AHCYL2: variants seen among roughly 807,000 people sequenced by gnomAD.
AHCYL2 encodes the protein S-adenosylhomocysteine hydrolase-like protein 2.
A neutral mutation model predicts 81.4 loss-of-function variants in AHCYL2; 28 were observed. The observed-to-expected ratio is 0.34, with a 90% CI of 0.25 to 0.47. The LOEUF (loss-of-function observed/expected upper bound fraction) is 0.47. AHCYL2 is among the 20% of genes least tolerant of loss of function. AHCYL2 has a pLI of 1.00. For synonymous variants in AHCYL2, 272 were observed against 290.2 expected, an observed-to-expected ratio of 0.94 and a Z score of 0.64; for missense variants, 551 against 785.1, an observed-to-expected ratio of 0.70 and a Z score of 3.56.
At chr7:129,375,744 C>A (rs1794651058) in intron 1 of AHCYL2, 2 of 1,483,732 alleles carry the variant, frequency 1.3e-6, no homozygotes, top group Non-Finnish European at 1.8e-6. Context: ...AGAGTAGTCC[C>A]CCACTCCCCA....
intron 11 of AHCYL2, among the ~76,000 whole-genome samples, chr7:129,411,899 A>G (rs910667146): frequency 5.9e-5 from 9 of 152,254 alleles, no homozygotes; most frequent in Non-Finnish European, 1.0e-4. Flanking sequence ...TTACCCATTC[A>G]TTAACTGGTA....
chr7:129,307,163 C>T (rs1007034467), intron 1 of AHCYL2, among the ~76,000 whole-genome samples: 1 of 152,198 alleles, frequency 6.6e-6, no homozygotes, highest in Non-Finnish European at 1.5e-5. Context: ...GTGAAGCCAG[C>T]TAGTCTTGTG....
chr7:129,294,166 G>A (rs1248817186), intron 1 of AHCYL2, among the ~76,000 whole-genome samples: 1 of 152,158 alleles, frequency 6.6e-6, no homozygotes, highest in Non-Finnish European at 1.5e-5. Context: ...ATTACTTTGT[G>A]TACCTATGAT....
At position 129,405,106 on chromosome 7, in the gene AHCYL2, A is replaced by G. The variant is rs1307040421; in HGVS notation, c.1035A>G (p.Gln345=). ...CTTCCCTCATCCTCAGGCTGTACCA[A>G]CTGTCCAAAGCTGGGAAGCTGTGTG... The part of the protein sequence containing the change: ...ESVTGVHRLY[Q]LSKAGKLCVP... The change falls in exon 8 of 17, where the codon CAA becomes CAG. Residue 345 remains glutamine (Q), a synonymous_variant. Coordinates refer to ENST00000325006, the MANE Select transcript of AHCYL2 (RefSeq NM_015328.4). 3 of 1,601,492 alleles carry G rather than the reference A, an allele frequency of 1.9e-6. No individual in the cohort carries two copies. The highest frequency in any genetic ancestry group is 1.7e-5 in the Admixed American group (1 of 57,842).
At chr7:129,319,799 T>C (rs768845443) in intron 1 of AHCYL2, among the ~76,000 whole-genome samples, 4 of 152,336 alleles carry the variant, frequency 2.6e-5, no homozygotes, top group African/African-American at 7.2e-5. Context: ...CAATTTGTTA[T>C]CAGGTTTACT....
intron 1 of AHCYL2, 29 bp downstream of exon 1, chr7:129,225,468 G>T: frequency 6.8e-7 from 1 of 1,479,588 alleles, no homozygotes; most frequent in Non-Finnish European, 8.9e-7. Flanking sequence ...CTCTCTAGGA[G>T]AGGAAGGGAG....
At chr7:129,301,026 C>T (rs990033944) in intron 1 of AHCYL2, among the ~76,000 whole-genome samples, 4 of 152,070 alleles carry the variant, frequency 2.6e-5, no homozygotes, top group African/African-American at 9.7e-5. Context: ...ACCATGTTGG[C>T]CAGGCTGATC....
chr7:129,325,006 A>G (rs1001096506), intron 1 of AHCYL2, among the ~76,000 whole-genome samples: 23 of 152,140 alleles, frequency 1.5e-4, no homozygotes, highest in Non-Finnish European at 7.4e-5. Context: ...ATTGTCATAC[A>G]TTTTAGTTCT....
At chr7:129,386,691 T>C (rs1261474910) in intron 2 of AHCYL2, among the ~76,000 whole-genome samples, 1 of 152,140 alleles carries the variant, frequency 6.6e-6, no homozygotes, top group Non-Finnish European at 1.5e-5. Flanking sequence ...AAATTTTGTT[T>C]TGCTTTTTGG....
chr7:129,267,853 C>A (rs1441994448), intron 1 of AHCYL2, among the ~76,000 whole-genome samples: 1 of 152,008 alleles, frequency 6.6e-6, no homozygotes, highest in Non-Finnish European at 1.5e-5. Flanking sequence ...TGTGTGATAA[C>A]AGAGAGATGA....
intron 1 of AHCYL2, among the ~76,000 whole-genome samples, chr7:129,365,495 A>C (rs1584828584): frequency 6.6e-6 from 1 of 151,962 alleles, no homozygotes; most frequent in African/African-American, 2.4e-5. Context: ...TTATATAGAG[A>C]GGTCAAGTAA....
At chr7:129,295,273 C>T (rs1387674776) in intron 1 of AHCYL2, among the ~76,000 whole-genome samples, 2 of 152,226 alleles carry the variant, frequency 1.3e-5, no homozygotes, top group African/African-American at 4.8e-5. Flanking sequence ...CCAGAGCAAT[C>T]TGGTTTTAAA....
chr7:129,364,394 A>G (rs6946270), intron 1 of AHCYL2, among the ~76,000 whole-genome samples: 134,882 of 152,186 alleles, frequency 0.89, 60,123 homozygotes, highest in East Asian at 0.98. Context: ...AAGTTCAAGC[A>G]ATTCTCCTGC....
intron 1 of AHCYL2, among the ~76,000 whole-genome samples, chr7:129,356,358 C>T (rs1346817566): frequency 1.3e-5 from 2 of 152,184 alleles, no homozygotes; most frequent in Non-Finnish European, 2.9e-5. Flanking sequence ...TGCTAGTTGT[C>T]TATTTTTAAA....
intron 12 of AHCYL2, 105 bp downstream of exon 12, chr7:129,413,793 C>A: frequency 1.1e-6 from 1 of 913,772 alleles, no homozygotes; most frequent in Non-Finnish European, 1.8e-6. Context: ...CATGACTATC[C>A]TGGCAGAGTT....
chr7:129,339,701 AT>A (rs879264966), intron 1 of AHCYL2, among the ~76,000 whole-genome samples: 221 of 144,172 alleles, frequency 1.5e-3, no homozygotes, highest in Middle Eastern at 3.5e-3. Flanking sequence ...CTTGCTAATT[AT>A]TTTTTTTTTT....
chr7:129,388,934 A>C lies in AHCYL2; in HGVS notation c.476-122A>C. ...GCATGTGTATAGCCTGCAGGTACTT[A>C]ACAGAGGTAAAAAAATTTATATGGT... On this transcript the variant is annotated intron_variant, in intron 2 of 16. Coordinates refer to ENST00000325006, the MANE Select transcript of AHCYL2 (RefSeq NM_015328.4). 1.8e-6 allele frequency: 2 copies of C among 1,120,290 alleles called. 1 individual carries two copies. Among genetic ancestry groups the C allele is most frequent in the South Asian group, 3.3e-5 (2 of 60,986 alleles). 69.4% of individuals were successfully genotyped at this position (1,120,290 alleles called of 1,614,324 possible).
At chr7:129,296,678 C>G (rs895095124) in intron 1 of AHCYL2, among the ~76,000 whole-genome samples, 12 of 152,142 alleles carry the variant, frequency 7.9e-5, no homozygotes, top group Non-Finnish European at 1.8e-4. Context: ...TCACTGTACT[C>G]TATCCTGGTT....
chr7:129,371,017 C>G (rs57263220), intron 1 of AHCYL2, among the ~76,000 whole-genome samples: 3 of 152,036 alleles, frequency 2.0e-5, no homozygotes, highest in African/African-American at 7.3e-5. Flanking sequence ...GCCAAGAAAG[C>G]TAACCTCTGA....
Sources: allele counts gnomAD v4.1 joint callset (sites outside exome capture counted in the v4.1 genomes callset), GRCh38; gene constraint gnomAD v4.1.1; transcripts MANE v1.5; gene names NCBI Gene and HGNC (gene_info 2026-07-23, HGNC 2026-07-21).